Variants in FSTL5 observed in about 807,000 individuals in gnomAD.
FSTL5 encodes follistatin-related protein 5.
Under a neutral mutation model 89.1 loss-of-function variants are expected in FSTL5, and 62 were observed. The ratio of observed to expected loss-of-function variants is 0.70; its 90% CI spans 0.57 to 0.86. The LOEUF is 0.86. Ranked by LOEUF, FSTL5 falls within the 40% of genes least tolerant of loss-of-function variation. FSTL5 has a pLI of 0.00. For synonymous variants in FSTL5, 383 were observed against 346.2 expected (o/e 1.11, Z -1.18); for missense variants, 1,057 against 1,001.6 (o/e 1.06, Z -0.75).
At chr4:161,833,966 C>A (rs1333261647) in intron 4 of FSTL5, among the ~76,000 whole-genome samples, 3 of 152,156 alleles carry the variant, frequency 2.0e-5, no homozygotes, top group African/African-American at 7.2e-5. Flanking sequence ...GATGCAGTTT[C>A]TTCCTAGCCT....
At chr4:161,471,330 C>T (rs1733931405) in intron 13 of FSTL5, among the ~76,000 whole-genome samples, 1 of 152,104 alleles carries the variant, frequency 6.6e-6, no homozygotes, top group Non-Finnish European at 1.5e-5. Flanking sequence ...TTTTCTCTTT[C>T]ATTTTGTTAA....
At chr4:161,922,979 C>G (rs746522769) in intron 3 of FSTL5, among the ~76,000 whole-genome samples, 89 of 151,846 alleles carry the variant, frequency 5.9e-4, no homozygotes, top group Middle Eastern at 3.2e-3. Context: ...AAACTGTACC[C>G]TAACTTATTA....
chr4:161,573,607 C>T (rs1164294172), intron 8 of FSTL5, among the ~76,000 whole-genome samples: 1 of 150,540 alleles, frequency 6.6e-6, no homozygotes. Context: ...GTGGTGCATG[C>T]CTGTAATCCC....
intron 15 of FSTL5, among the ~76,000 whole-genome samples, chr4:161,406,920 C>T (rs1191533191): frequency 4.6e-5 from 7 of 152,100 alleles, no homozygotes; most frequent in South Asian, 2.1e-4. Context: ...AGAACAAGTA[C>T]GTAACTGCCT....
intron 10 of FSTL5, among the ~76,000 whole-genome samples, chr4:161,527,480 T>C (rs1294132999): frequency 2.6e-5 from 4 of 151,484 alleles, no homozygotes; most frequent in Non-Finnish European, 4.4e-5. Flanking sequence ...AAAAAGTGGG[T>C]GAAGGACATG....
At chr4:161,673,557 AT>A (rs1483848028) in intron 6 of FSTL5, among the ~76,000 whole-genome samples, 1 of 152,004 alleles carries the variant, frequency 6.6e-6, no homozygotes, top group African/African-American at 2.4e-5. Context: ...TCAAACAGTT[AT>A]TTTCGGTTAA....
At chr4:161,593,123 T>G (rs1426579297) in intron 7 of FSTL5, among the ~76,000 whole-genome samples, 2 of 152,174 alleles carry the variant, frequency 1.3e-5, no homozygotes, top group Non-Finnish European at 1.5e-5. Context: ...GTTCTTAATT[T>G]TATATACAAT....
At chr4:161,599,677 G>C (rs564484941) in intron 7 of FSTL5, among the ~76,000 whole-genome samples, 122 of 152,156 alleles carry the variant, frequency 8.0e-4, no homozygotes, top group African/African-American at 2.8e-3. Context: ...TCCTCAGTTG[G>C]ACAAGCCCTT....
chr4:161,553,499 C>T (rs1163900479), intron 8 of FSTL5, among the ~76,000 whole-genome samples: 1 of 151,046 alleles, frequency 6.6e-6, no homozygotes, highest in African/African-American at 2.4e-5. Context: ...GAGCATAATA[C>T]ATTGTGCTGG....
intron 8 of FSTL5, among the ~76,000 whole-genome samples, chr4:161,586,799 C>G (rs543128099): frequency 6.6e-6 from 1 of 152,176 alleles, no homozygotes; most frequent in Non-Finnish European, 1.5e-5. Context: ...GCCCATCACA[C>G]TAGCCATCTT....
chr4:161,878,164 A>G (rs1317546885), intron 4 of FSTL5, among the ~76,000 whole-genome samples: 1 of 152,106 alleles, frequency 6.6e-6, no homozygotes, highest in Admixed American at 6.6e-5. Flanking sequence ...TATTACTTAG[A>G]TATTATTTGA....
At chr4:161,666,041 G>A (rs1016338882) in intron 6 of FSTL5, among the ~76,000 whole-genome samples, 4 of 151,986 alleles carry the variant, frequency 2.6e-5, no homozygotes, top group Non-Finnish European at 5.9e-5. Context: ...CATAAAGAAA[G>A]TGACTTATAA....
In FSTL5 at chr4:161,718,800, T is replaced by C. The variant is rs1048492994; in HGVS notation, c.727+40611A>G. ...GTTTTACTCTCTATATATATATCTA[T>C]AAATCAAAACATGGTAATGCATTAA... On this transcript the variant is annotated intron_variant, in intron 6 of 15. Coordinates refer to ENST00000306100, the MANE Select transcript of FSTL5 (RefSeq NM_020116.5). Among the ~76,000 whole-genome samples the C allele has an allele frequency of 3.9e-5, 6 of 152,266 alleles. 1 individual carries two copies. Among genetic ancestry groups the C allele is most frequent in the Admixed American group, 6.5e-5 (1 of 15,292 alleles).
At chr4:161,806,237 C>A (rs1261031814) in intron 4 of FSTL5, among the ~76,000 whole-genome samples, 1 of 152,080 alleles carries the variant, frequency 6.6e-6, no homozygotes, top group Non-Finnish European at 1.5e-5. Context: ...GAGTCAAAGA[C>A]AAGTTGAGAG....
At chr4:161,492,507 C>T (rs1177797140) in intron 12 of FSTL5, among the ~76,000 whole-genome samples, 1 of 151,948 alleles carries the variant, frequency 6.6e-6, no homozygotes, top group South Asian at 2.1e-4. Flanking sequence ...TACATGAAAA[C>T]AGCAGCTGCT....
intron 5 of FSTL5, among the ~76,000 whole-genome samples, chr4:161,765,984 G>A (rs965151113): frequency 6.6e-6 from 1 of 151,806 alleles, no homozygotes; most frequent in Non-Finnish European, 1.5e-5. Context: ...TAGTAGAGAC[G>A]GGGTTTCACC....
intron 4 of FSTL5, among the ~76,000 whole-genome samples, chr4:161,915,403 T>C (rs1214926003): frequency 6.6e-6 from 1 of 151,864 alleles, no homozygotes; most frequent in Non-Finnish European, 1.5e-5. Context: ...TAATGTCTAA[T>C]ATCCCAAAAT....
At chr4:162,031,457 T>C (rs564065821) in intron 3 of FSTL5, among the ~76,000 whole-genome samples, 82 of 152,292 alleles carry the variant, frequency 5.4e-4, no homozygotes, top group African/African-American at 1.7e-3. Flanking sequence ...GCTTTCATGG[T>C]TGAAAATGGG....
At chr4:161,449,444 G>A (rs1370641736) in intron 15 of FSTL5, among the ~76,000 whole-genome samples, 2 of 152,128 alleles carry the variant, frequency 1.3e-5, no homozygotes, top group African/African-American at 2.4e-5. Flanking sequence ...GTTTGGGTTG[G>A]GGGGGATAGT....
Sources: gnomAD v4.1 joint callset for allele counts (sites outside exome capture counted in the v4.1 genomes callset) on GRCh38, gnomAD v4.1.1 for gene constraint, MANE v1.5 for transcripts, NCBI Gene and HGNC (gene_info 2026-07-23, HGNC 2026-07-21) for gene names.